VAV2: variants seen among roughly 807,000 people sequenced by gnomAD.
VAV2 encodes vav guanine nucleotide exchange factor 2.
Under a neutral mutation model 132.5 loss-of-function variants are expected in VAV2, and 67 were observed. That is an observed-to-expected ratio of 0.51 (90% CI 0.42 to 0.62). The LOEUF is 0.62. VAV2 is among the 20% of genes least tolerant of loss of function. The probability of loss-of-function intolerance (pLI) is 0.00; values close to 1 mark genes in which losing one functional copy is unlikely to be tolerated. For synonymous variants in VAV2, 492 were observed against 443.5 expected, an observed-to-expected ratio of 1.11 and a Z score of -1.37; for missense variants, 938 against 1,153.6, an observed-to-expected ratio of 0.81 and a Z score of 2.71.
intron 1 of VAV2, among the ~76,000 whole-genome samples, chr9:133,990,924 C>T (rs1167249233): frequency 6.6e-6 from 1 of 152,128 alleles, no homozygotes; most frequent in Non-Finnish European, 1.5e-5. Flanking sequence ...TCTGGGCTTG[C>T]CTTTGTCAGC....
chr9:133,891,622 A>AG (rs1838956980), intron 2 of VAV2, among the ~76,000 whole-genome samples: 1 of 572 alleles, frequency 1.7e-3, no homozygotes, highest in African/African-American at 9.1e-3. Flanking sequence ...AGAGGGATGG[A>AG]GGGGAGGGAG....
intron 2 of VAV2, among the ~76,000 whole-genome samples, chr9:133,882,769 A>C (rs1838550010): frequency 6.6e-6 from 1 of 152,190 alleles, no homozygotes; most frequent in Non-Finnish European, 1.5e-5. Context: ...TCAGCCCTTC[A>C]GAGCAGACAG....
chr9:133,954,567 G>A (rs918858143), intron 1 of VAV2, among the ~76,000 whole-genome samples: 2 of 152,258 alleles, frequency 1.3e-5, no homozygotes, highest in Non-Finnish European at 2.9e-5. Context: ...GGAGGCTGGG[G>A]GGAGCGGGAG....
intron 2 of VAV2, among the ~76,000 whole-genome samples, chr9:133,930,527 T>C (rs1463634631): frequency 6.6e-6 from 1 of 152,250 alleles, no homozygotes; most frequent in Non-Finnish European, 1.5e-5. Flanking sequence ...TACAGACAAC[T>C]GTGCTGCGTG....
chr9:133,896,295 A>G (rs558399088), intron 2 of VAV2, among the ~76,000 whole-genome samples: 1 of 152,148 alleles, frequency 6.6e-6, no homozygotes, highest in Non-Finnish European at 1.5e-5. Context: ...CTCTACTAAA[A>G]GTACAAAAAT....
rs779779839 is a variant in VAV2 at position 133,788,336 on chromosome 9, G to A, written c.1407+18C>T. On this transcript the variant is annotated intron_variant, in intron 15 of 29. Transcript: ENST00000371850. The surrounding 1 kb of genome is among the most constrained non-coding windows in gnomAD (Gnocchi z 5.3). ...CCCCCACGTTCCTGGGTAGCAGGGG[G>A]GACCCGGAAGGCCCCACCTTCTTGA... The A allele has an allele frequency of 6.3e-7, 1 of 1,594,930 alleles. No homozygotes were observed. Among genetic ancestry groups the A allele is most frequent in the East Asian group, 2.3e-5 (1 of 44,226 alleles).
In VAV2 at chr9:133,788,241, G is replaced by GCC; in HGVS notation, c.1407+111_1407+112dup. ...GGAGACGCCCACCCCAACCCACCCG[G>GCC]CCAGCATCAGCGGCTGACTTCGAGT... On this transcript the variant is annotated intron_variant, in intron 15 of 29. Transcript: ENST00000371850. The surrounding 1 kb of genome is among the most constrained non-coding windows in gnomAD (Gnocchi z 5.3). 1 of 540,982 alleles carries GCC rather than the reference G, an allele frequency of 1.8e-6. No homozygotes were observed. Among genetic ancestry groups the GCC allele is most frequent in the Non-Finnish European group, 3.3e-6 (1 of 303,762 alleles). 33.5% of individuals were successfully genotyped at this position (540,982 alleles called of 1,614,324 possible).
chr9:133,882,591 C>T (rs1838542255), intron 2 of VAV2, among the ~76,000 whole-genome samples: 6 of 151,946 alleles, frequency 3.9e-5, no homozygotes, highest in Middle Eastern at 3.4e-3. Flanking sequence ...CCCACCCCCG[C>T]GACCTCTGGA....
chr9:133,810,674 C>A (rs1291567919), intron 5 of VAV2, among the ~76,000 whole-genome samples: 1 of 152,200 alleles, frequency 6.6e-6, no homozygotes, highest in Non-Finnish European at 1.5e-5. Context: ...CAGCGCTGTT[C>A]CCCAGCCTGG....
intron 29 of VAV2, 21 bp from the exon 30 acceptor site, chr9:133,764,130 G>A (rs750057582): frequency 3.6e-5 from 57 of 1,585,976 alleles, no homozygotes; most frequent in South Asian, 5.5e-5. Context: ...TGGTAAGATC[G>A]TGTCTGTGTG....
rs1047070700 is a variant in VAV2 at position 133,783,561 on chromosome 9, G to T, written c.1665C>A (p.Thr555=). 1.2e-6 allele frequency: 2 copies of T among 1,613,916 alleles called. No individual in the cohort carries two copies. Among genetic ancestry groups the T allele is most frequent in the Admixed American group, 1.7e-5 (1 of 59,996 alleles). The part of the protein sequence containing the change: ...RGTFYQGYMC[T]KCGVGAHKEC... Reference sequence around the variant, plus strand: ...CCTTGTGTGCCCCGACGCCACACTTGGTACACATGTATCCCTGGTAGAAGG... The same window carrying T: ...CCTTGTGTGCCCCGACGCCACACTTTGTACACATGTATCCCTGGTAGAAGG... Residue 555 remains threonine, a synonymous_variant, in exon 19 of 30, where the codon ACC becomes ACA. Transcript: ENST00000371850.
chr9:133,948,558 C>G (rs183966533), intron 1 of VAV2, among the ~76,000 whole-genome samples: 101 of 145,454 alleles, frequency 6.9e-4, no homozygotes, highest in African/African-American at 2.2e-3. Flanking sequence ...GAGCTCCCCC[C>G]ACCAAGAGCA....
intron 1 of VAV2, among the ~76,000 whole-genome samples, chr9:133,968,734 G>A (rs1471504108): frequency 6.6e-6 from 1 of 152,160 alleles, no homozygotes; most frequent in Non-Finnish European, 1.5e-5. Flanking sequence ...TTCAGACCAT[G>A]GCACTGTCCT....
In VAV2 at chr9:133,811,159, G is replaced by A. The variant is rs368988226; in HGVS notation, c.553-954C>T. Among the ~76,000 whole-genome samples the A allele has an allele frequency of 5.9e-5, 9 of 152,322 alleles. No individual in the cohort carries two copies. The East Asian group carries it at 1.4e-3, about 23-fold the overall frequency. ...TCGGGGGAGACCCCCCGGTTATGGC[G>A]GGGAACAAAACTCAGTCGAGACCCT... On this transcript the variant is annotated intron_variant, in intron 5 of 29. Coordinates refer to ENST00000371850, the MANE Select transcript of VAV2 (RefSeq NM_001134398.2).
chr9:133,852,934 C>T (rs1837242799), intron 3 of VAV2, among the ~76,000 whole-genome samples: 1 of 152,212 alleles, frequency 6.6e-6, no homozygotes, highest in Admixed American at 6.5e-5. Flanking sequence ...GGCCAATGTG[C>T]ACCATGCACT....
chr9:133,900,950 T>C (rs1033572432), intron 2 of VAV2, among the ~76,000 whole-genome samples: 11 of 151,318 alleles, frequency 7.3e-5, no homozygotes, highest in Non-Finnish European at 1.5e-4. Flanking sequence ...CAGGTGCGTG[T>C]CATCACGCCC....
intron 12 of VAV2, among the ~76,000 whole-genome samples, chr9:133,793,273 C>A (rs1032851306): frequency 6.6e-6 from 1 of 152,002 alleles, no homozygotes; most frequent in Non-Finnish European, 1.5e-5. Flanking sequence ...GGCCCTGCCC[C>A]CCGAGAGCAG....
chr9:133,899,112 C>T (rs1185049505), intron 2 of VAV2, among the ~76,000 whole-genome samples: 1 of 151,758 alleles, frequency 6.6e-6, no homozygotes, highest in Non-Finnish European at 1.5e-5. Context: ...TGAGCCACCG[C>T]GCCAGGCCCA....
intron 2 of VAV2, among the ~76,000 whole-genome samples, chr9:133,897,240 C>T (rs1386418364): frequency 6.6e-6 from 1 of 152,192 alleles, no homozygotes; most frequent in East Asian, 1.9e-4. Flanking sequence ...CTCCTTTGAG[C>T]AGCAGCAAGA....
Sources: gnomAD v4.1 joint callset for allele counts (sites outside exome capture counted in the v4.1 genomes callset) on GRCh38, gnomAD v4.1.1 for gene constraint, Gnocchi (gnomAD v3.1) non-coding constraint, MANE v1.5 for transcripts, NCBI Gene and HGNC (gene_info 2026-07-23, HGNC 2026-07-21) for gene names.